The following MOV10L1 variants were observed in gnomAD, a reference collection of about 807,000 sequenced individuals.
MOV10L1 encodes the protein RNA helicase Mov10l1.
Under a neutral mutation model 143.8 loss-of-function variants are expected in MOV10L1, and 110 were observed. The ratio of observed to expected loss-of-function variants is 0.76; its 90% confidence interval spans 0.66 to 0.90. MOV10L1 has a LOEUF of 0.90. Among genes scored for constraint, MOV10L1 ranks in the 40% least tolerant of loss-of-function variants. The probability of loss-of-function intolerance (pLI) is 0.00; values close to 1 mark genes in which losing one functional copy is unlikely to be tolerated. For missense variants in MOV10L1, 1,406 were observed against 1,526.8 expected (o/e 0.92, Z 1.32); for synonymous variants, 593 against 581.1 (o/e 1.02, Z -0.29).
At chr22:50,111,183 A>C (rs1424987546) in intron 5 of MOV10L1, among the ~76,000 whole-genome samples, 2 of 152,232 alleles carry the variant, frequency 1.3e-5, no homozygotes, top group Non-Finnish European at 2.9e-5. Context: ...TCTGTGGTTC[A>C]TGCCTTTTTC....
chr22:50,104,662 G>A (rs1283201797), intron 3 of MOV10L1, among the ~76,000 whole-genome samples: 1 of 152,046 alleles, frequency 6.6e-6, no homozygotes, highest in South Asian at 2.1e-4. Flanking sequence ...ATTAAAAAAA[G>A]GTGAGTATAT....
intron 15 of MOV10L1, 58 bp downstream of exon 15, chr22:50,134,688 C>A: frequency 6.7e-7 from 1 of 1,483,650 alleles, no homozygotes; most frequent in South Asian, 1.1e-5. Flanking sequence ...ACGTGGCTGT[C>A]TTTACATAGG....
chr22:50,120,326 G>T (rs1343945102), intron 9 of MOV10L1, among the ~76,000 whole-genome samples, 176 bp from the exon 10 acceptor site: 1 of 152,194 alleles, frequency 6.6e-6, no homozygotes, highest in Non-Finnish European at 1.5e-5. Context: ...AAGGATCCCA[G>T]AGCTAAAACG....
chr22:50,161,194 C>A, intron 26 of MOV10L1, 139 bp downstream of exon 26: 1 of 1,065,018 alleles, frequency 9.4e-7, no homozygotes, highest in Non-Finnish European at 1.4e-6. Context: ...CTCACCTCAT[C>A]CTGGGCTGCA....
chr22:50,127,569 A>T (rs1362802057), intron 12 of MOV10L1, among the ~76,000 whole-genome samples: 1 of 152,122 alleles, frequency 6.6e-6, no homozygotes, highest in Non-Finnish European at 1.5e-5. Flanking sequence ...TGCTGGTGTC[A>T]GCCCTGACCC....
At chr22:50,106,924 A>G (rs936807370) in intron 3 of MOV10L1, among the ~76,000 whole-genome samples, 28 of 150,970 alleles carry the variant, frequency 1.9e-4, no homozygotes, top group African/African-American at 4.9e-4. Flanking sequence ...GATGGTCTCA[A>G]TCTCCTGACC....
intron 10 of MOV10L1, among the ~76,000 whole-genome samples, chr22:50,122,891 G>A (rs1285538813): frequency 1.3e-5 from 2 of 151,818 alleles, no homozygotes; most frequent in African/African-American, 4.8e-5. Flanking sequence ...ACCATGCCCG[G>A]CTAACTTTTG....
chr22:50,114,912 C>T (rs1404685192), intron 7 of MOV10L1, among the ~76,000 whole-genome samples: 4 of 152,212 alleles, frequency 2.6e-5, no homozygotes, highest in African/African-American at 7.2e-5. Context: ...TATCCCAGCA[C>T]TTGGTAGTCA....
At chr22:50,110,188 G>T (rs577814175) in intron 5 of MOV10L1, among the ~76,000 whole-genome samples, 1 of 151,908 alleles carries the variant, frequency 6.6e-6, no homozygotes, top group African/African-American at 2.4e-5. Flanking sequence ...GGTGGCTCAC[G>T]CCCGTAATAC....
chr22:50,137,619 C>T (rs199604267), intron 15 of MOV10L1, among the ~76,000 whole-genome samples: 29 of 151,888 alleles, frequency 1.9e-4, no homozygotes, highest in African/African-American at 5.8e-4. Context: ...GCAGGAGAAT[C>T]GCTTGAAACC....
Position 50,115,195 on chromosome 22 carries a change from G to C in MOV10L1, c.1208G>C (p.Gly403Ala), listed in dbSNP as rs142052306. ...CAGATGACAGAGCCTGAGCCTGGGG[G>C]GCTTGTCCCTCCAGGGGGAAAAACC... ...RKQMTEPEPG[G>A]LVPPGGKTFI... Residue 403 changes from glycine (G) to alanine (A), a missense_variant, in exon 8 of 27, where the codon GGG (glycine) becomes GCG (alanine). Physicochemically the swap from Gly to Ala is moderately conservative, Grantham distance 60. This residue lies in a region of MOV10L1 where 1,233 missense variants were observed against 1,351.4 expected (regional missense o/e 0.91). Coordinates refer to ENST00000262794, the MANE Select transcript of MOV10L1 (RefSeq NM_018995.3). 2.2e-5 allele frequency: 34 copies of C among 1,555,926 alleles called. No homozygotes were observed. The African/African-American group carries it at 4.0e-4, about 18-fold the overall frequency.
intron 1 of MOV10L1, among the ~76,000 whole-genome samples, 159 bp from the exon 2 acceptor site, chr22:50,091,842 C>G (rs532041215): frequency 9.7e-4 from 147 of 152,310 alleles, no homozygotes; most frequent in African/African-American, 3.5e-3. Context: ...ACAGCACTCT[C>G]TGATGGGATT....
At chr22:50,125,608 C>T (rs1222460059) in intron 11 of MOV10L1, 39 bp downstream of exon 11, 1 of 1,577,344 alleles carries the variant, frequency 6.3e-7, no homozygotes, top group African/African-American at 1.4e-5. Flanking sequence ...GGTGGACTAG[C>T]AGAGAAACCA....
chr22:50,153,220 T>C lies in MOV10L1; in HGVS notation c.3066+2T>C. ...CCTCTCATCTTCCATGGTGTGCGGG[T>C]GAGTTGTGTCTTGAATCCGTAGGTG... is the stretch of plus-strand genomic sequence containing the variant. On this transcript the variant is annotated splice_donor_variant, in intron 22 of 26. Coordinates refer to ENST00000262794, the MANE Select transcript of MOV10L1 (RefSeq NM_018995.3). LOFTEE classifies it high-confidence loss of function. 1 of 1,612,140 alleles carries C rather than the reference T, an allele frequency of 6.2e-7. No homozygotes were observed. Among genetic ancestry groups the C allele is most frequent in the Non-Finnish European group, 8.5e-7 (1 of 1,178,648 alleles).
At chr22:50,154,214 A>G (rs374833894) in intron 22 of MOV10L1, among the ~76,000 whole-genome samples, 56 of 152,198 alleles carry the variant, frequency 3.7e-4, no homozygotes, top group African/African-American at 1.2e-3. Flanking sequence ...GTCTCCCGCC[A>G]TCTGTCCTGC....
chr22:50,124,232 T>C (rs2062430858), intron 10 of MOV10L1, among the ~76,000 whole-genome samples: 1 of 152,174 alleles, frequency 6.6e-6, no homozygotes. Flanking sequence ...TCAGTGCTCA[T>C]AGTCACAAAT....
At position 50,090,061 on chromosome 22, in the gene MOV10L1, T is replaced by G. The variant is rs189779293; in HGVS notation, c.-28T>G. 8.1e-7 allele frequency: 1 copy of G among 1,234,952 alleles called. No homozygotes were observed. Among genetic ancestry groups the G allele is most frequent in the Non-Finnish European group, 1.0e-6 (1 of 985,770 alleles). 76.5% of individuals were successfully genotyped at this position (1,234,952 alleles called of 1,614,324 possible). A position where few individuals can be genotyped will look rare whatever the true frequency, so the allele number is the denominator to read the frequency against. On this transcript the variant is annotated 5_prime_UTR_variant, in exon 1 of 27. Transcript: ENST00000262794. Reference sequence around the variant, plus strand: ...CGCGTGCGGGCGGCGGCAGCGGCGGTGACGGCAGCCTAGGCCGGGCGAGGG... The same window carrying G: ...CGCGTGCGGGCGGCGGCAGCGGCGGGGACGGCAGCCTAGGCCGGGCGAGGG...
chr22:50,108,109 C>T (rs1464041804), intron 3 of MOV10L1, 27 bp from the exon 4 acceptor site: 3 of 1,603,092 alleles, frequency 1.9e-6, no homozygotes, highest in Non-Finnish European at 2.6e-6. Context: ...TTTAACACTA[C>T]CATGGCTTTT....
chr22:50,129,849 G>A (rs1189428239), intron 13 of MOV10L1, among the ~76,000 whole-genome samples: 1 of 152,154 alleles, frequency 6.6e-6, no homozygotes, highest in Non-Finnish European at 1.5e-5. Flanking sequence ...TGAAATGCTT[G>A]CTTGCGTCTT....
Sources: allele counts gnomAD v4.1 joint callset (sites outside exome capture counted in the v4.1 genomes callset), GRCh38; gene constraint gnomAD v4.1.1; regional missense constraint gnomAD v4.1.1; transcripts MANE v1.5; gene names NCBI Gene and HGNC (gene_info 2026-07-23, HGNC 2026-07-21).